ABRACL: variants seen among roughly 807,000 people sequenced by gnomAD.
The protein encoded by ABRACL is costars family protein ABRACL.
In ABRACL, 4 loss-of-function variants were observed where a neutral mutation model predicts 7.0. The ratio of observed to expected loss-of-function variants is 0.57; its 90% confidence interval spans 0.28 to 1.30. The LOEUF is 1.30. ABRACL is among the 50% of genes most tolerant of loss of function. The probability of loss-of-function intolerance (pLI) is 0.10; values close to 1 mark genes in which losing one functional copy is unlikely to be tolerated. For synonymous variants in ABRACL, 30 were observed against 36.0 expected, an observed-to-expected ratio of 0.83 and a Z score of 0.60; for missense variants, 104 against 97.3, an observed-to-expected ratio of 1.07 and a Z score of -0.29.
In ABRACL at chr6:139,042,877, G is replaced by A. The variant is rs768476146; in HGVS notation, c.220G>A (p.Val74Ile). 6.2e-7 allele frequency: 1 copy of A among 1,612,032 alleles called. No individual in the cohort carries two copies. Among genetic ancestry groups the A allele is most frequent in the Non-Finnish European group, 8.5e-7 (1 of 1,179,334 alleles). ...GCTTCTGCAAGGTGTTCATGATGAT[G>A]TTGACATTATATTACTGCAAGATTA... ...ELLLQGVHDD[V>I]DIILLQD The change falls in exon 3 of 3, where the codon GTT becomes ATT. Residue 74 changes from valine (V) to isoleucine (I), a missense_variant. By Grantham distance (29) the Val-to-Ile change is conservative. Coordinates refer to ENST00000367660, the MANE Select transcript of ABRACL (RefSeq NM_021243.3).
At chr6:139,030,662 G>C (rs868565070) in intron 1 of ABRACL, among the ~76,000 whole-genome samples, 25 of 152,272 alleles carry the variant, frequency 1.6e-4, no homozygotes, top group African/African-American at 5.8e-4. Flanking sequence ...TAAGTGTTCT[G>C]CCTTGGTAAG....
At chr6:139,033,424 C>T (rs1012266038) in intron 1 of ABRACL, among the ~76,000 whole-genome samples, 4 of 152,192 alleles carry the variant, frequency 2.6e-5, no homozygotes, top group Non-Finnish European at 4.4e-5. Context: ...CTGGATTGAC[C>T]GGATGGTATT....
chr6:139,042,635 T>G lies in ABRACL; in HGVS notation c.62-84T>G, dbSNP rs936558022. On this transcript the variant is annotated intron_variant, in intron 2 of 2. Coordinates refer to ENST00000367660, the MANE Select transcript of ABRACL (RefSeq NM_021243.3). ...ACCTTGGATAGCCCATAGTTATAAA[T>G]TTATTAAAGATTTTGTAAGTCTTCC... 35 of 1,333,614 alleles carry G rather than the reference T, an allele frequency of 2.6e-5. 1 individual carries two copies. Among genetic ancestry groups the G allele is most frequent in the Non-Finnish European group, 3.2e-5 (31 of 964,852 alleles). 82.6% of individuals were successfully genotyped at this position (1,333,614 alleles called of 1,614,324 possible). A position where few individuals can be genotyped will look rare whatever the true frequency, so the allele number is the denominator to read the frequency against.
intron 2 of ABRACL, among the ~76,000 whole-genome samples, chr6:139,040,125 G>C (rs150245234): frequency 7.4e-4 from 112 of 152,222 alleles, no homozygotes; most frequent in African/African-American, 2.5e-3. Context: ...AGGGATTAAA[G>C]TAGAAGAGTA....
In ABRACL at chr6:139,042,828, G is replaced by A. The variant is rs1402167046; in HGVS notation, c.171G>A (p.Lys57=). The A allele has an allele frequency of 1.2e-6, 2 of 1,614,072 alleles. No homozygotes were observed. Among genetic ancestry groups the A allele is most frequent in the Non-Finnish European group, 8.5e-7 (1 of 1,179,998 alleles). ...VGTLKAAKRR[K]IVTYPGELLL... is the part of the protein sequence containing the mutation. ...CTCTTAAAGCTGCAAAACGAAGGAA[G>A]ATTGTAACATATCCAGGAGAGCTGC... Residue 57 remains lysine (K), a synonymous_variant, in exon 3 of 3, where the codon AAG becomes AAA. Transcript: ENST00000367660.
In ABRACL at chr6:139,041,493, A is replaced by ATGTG. The variant is rs770093258; in HGVS notation, c.62-1208_62-1205dup. On this transcript the variant is annotated intron_variant, in intron 2 of 2. Transcript: ENST00000367660. ...TATTTCTATATTTCTATATATATATATGTGTGTGTGTGTGTGTGTGTATAT... is the reference window on the plus strand; with the variant it reads ...TATTTCTATATTTCTATATATATATATGTGTGTGTGTGTGTGTGTGTGTGTATAT... 0.011 allele frequency among the ~76,000 whole-genome samples: 1,366 copies of ATGTG among 122,454 alleles called. 38 individuals are homozygous for ATGTG. In the East Asian group the frequency reaches 0.14, roughly 13 times the overall value. 80.3% of individuals were successfully genotyped at this position (122,454 alleles called of 152,430 possible).
chr6:139,042,426 A>G (rs760579273), intron 2 of ABRACL, among the ~76,000 whole-genome samples: 1 of 152,256 alleles, frequency 6.6e-6, no homozygotes, highest in Non-Finnish European at 1.5e-5. Context: ...AAATAAAAAT[A>G]GAGGGAGAGA....
chr6:139,028,937 C>T (rs1409010359), intron 1 of ABRACL, 62 bp downstream of exon 1: 34 of 152,376 alleles, frequency 2.2e-4, no homozygotes, highest in Non-Finnish European at 2.9e-5. Flanking sequence ...GTCCGTGGTG[C>T]GCCGCCGGGC....
chr6:139,037,758 ATTGT>A (rs1259942499), intron 2 of ABRACL, among the ~76,000 whole-genome samples: 2 of 143,904 alleles, frequency 1.4e-5, no homozygotes, highest in African/African-American at 5.1e-5. Flanking sequence ...CAGCATTATT[ATTGT>A]TTTTTTCTTT....
intron 2 of ABRACL, among the ~76,000 whole-genome samples, chr6:139,037,761 G>GT (rs1453482657): frequency 2.1e-5 from 3 of 145,522 alleles, no homozygotes; most frequent in East Asian, 2.2e-4. Context: ...CATTATTATT[G>GT]TTTTTTTCTT....
intron 2 of ABRACL, among the ~76,000 whole-genome samples, chr6:139,037,011 T>C (rs2114308502): frequency 7.6e-6 from 1 of 132,310 alleles, no homozygotes; most frequent in East Asian, 2.0e-4. Context: ...AATAAAAAAC[T>C]CATGAGGCAA....
intron 2 of ABRACL, 60 bp from the exon 3 acceptor site, chr6:139,042,659 C>T: frequency 6.8e-7 from 1 of 1,472,432 alleles, no homozygotes; most frequent in South Asian, 1.3e-5. Flanking sequence ...TGTAAGTCTT[C>T]CATACTTGAG....
Position 139,037,444 on chromosome 6 carries a change from A to G in ABRACL, c.61+3223A>G, listed in dbSNP as rs575725206. ...CCTGGTTAAGTTTTGTATTTTTAGT[A>G]GAGATGGGGTTTTGCCATGTTGGCC... On this transcript the variant is annotated intron_variant, in intron 2 of 2. Transcript: ENST00000367660. 2.6e-5 allele frequency among the ~76,000 whole-genome samples: 4 copies of G among 152,198 alleles called. No homozygotes were observed. The East Asian group carries it at 7.7e-4, about 29-fold the overall frequency.
chr6:139,029,886 A>G (rs1197954093), intron 1 of ABRACL, among the ~76,000 whole-genome samples: 1 of 152,198 alleles, frequency 6.6e-6, no homozygotes, highest in African/African-American at 2.4e-5. Flanking sequence ...CATTGCCTCC[A>G]AACTTTTGAA....
At chr6:139,032,564 A>G (rs185914259) in intron 1 of ABRACL, among the ~76,000 whole-genome samples, 1 of 152,324 alleles carries the variant, frequency 6.6e-6, no homozygotes, top group Admixed American at 6.5e-5. Context: ...TGTCCCAATC[A>G]ATATCATGTA....
chr6:139,031,973 T>A (rs1786087669), intron 1 of ABRACL, among the ~76,000 whole-genome samples: 1 of 152,102 alleles, frequency 6.6e-6, no homozygotes, highest in South Asian at 2.1e-4. Flanking sequence ...CTTTTTTTTT[T>A]TTTTTGAGAC....
chr6:139,038,077 G>A (rs895200470), intron 2 of ABRACL, among the ~76,000 whole-genome samples: 15 of 151,978 alleles, frequency 9.9e-5, no homozygotes, highest in African/African-American at 3.1e-4. Context: ...GGGCCCAGCC[G>A]TGCATTACTA....
At chr6:139,040,162 T>G (rs1283918342) in intron 2 of ABRACL, among the ~76,000 whole-genome samples, 3 of 152,152 alleles carry the variant, frequency 2.0e-5, no homozygotes, top group Non-Finnish European at 4.4e-5. Flanking sequence ...CTCATAAAGT[T>G]TCTTCCACAT....
intron 1 of ABRACL, among the ~76,000 whole-genome samples, chr6:139,031,618 C>A (rs1222409956): frequency 1.3e-5 from 2 of 152,178 alleles, no homozygotes; most frequent in African/African-American, 4.8e-5. Flanking sequence ...TTACTCCTGG[C>A]AAGCTGTTCT....
Sources: gnomAD v4.1 joint callset for allele counts (sites outside exome capture counted in the v4.1 genomes callset) on GRCh38, gnomAD v4.1.1 for gene constraint, MANE v1.5 for transcripts, NCBI Gene and HGNC (gene_info 2026-07-23, HGNC 2026-07-21) for gene names.